RESF1: variants seen among roughly 807,000 people sequenced by gnomAD.
The protein encoded by RESF1 is gonad expressed transcript.
A neutral mutation model predicts 134.7 loss-of-function variants in RESF1; 65 were observed. The observed-to-expected ratio is 0.48, with a 90% CI of 0.40 to 0.59. The LOEUF is 0.59. Ranked by LOEUF, RESF1 falls within the 20% of genes least tolerant of loss-of-function variation. The pLI, the probability that RESF1 is intolerant of heterozygous loss-of-function variation, is 0.00. For synonymous variants in RESF1, 762 were observed against 702.2 expected, an observed-to-expected ratio of 1.09 and a Z score of -1.35; for missense variants, 2,274 against 2,002.7, an observed-to-expected ratio of 1.14 and a Z score of -2.59.
At chr12:31,963,858 G>A (rs183121853) in intron 2 of RESF1, among the ~76,000 whole-genome samples, 5 of 152,264 alleles carry the variant, frequency 3.3e-5, no homozygotes, top group Admixed American at 3.3e-4. Context: ...GTTAACACAT[G>A]TATGTTACTT....
At position 31,980,902 on chromosome 12, in the gene RESF1, T is replaced by C; in HGVS notation, c.-54T>C. ...GATTCCTGACATTCAGACAACTGAC[T>C]TGTAACTGACTTATAACTGACTTGT... On this transcript the variant is annotated 5_prime_UTR_variant, in exon 4 of 6. Coordinates refer to ENST00000312561, the MANE Select transcript of RESF1 (RefSeq NM_018169.4). The C allele has an allele frequency of 7.6e-7, 1 of 1,319,184 alleles. No homozygotes were observed. Among genetic ancestry groups the C allele is most frequent in the Non-Finnish European group, 1.0e-6 (1 of 957,222 alleles). The allele number at this position is 1,319,184 out of a possible 1,614,324, so 81.7% of individuals were successfully genotyped here.
In RESF1 at chr12:31,985,784, A is replaced by G. The variant is rs754685903; in HGVS notation, c.4829A>G (p.Asp1610Gly). Residue 1610 changes from aspartate to glycine, a missense_variant, in exon 4 of 6, where the codon GAT (aspartate) becomes GGT (glycine). Physicochemically the swap from Asp to Gly is moderately conservative, Grantham distance 94 (BLOSUM62 -1). Transcript: ENST00000312561. ...AGTTCACCCAGGAAGCTTCATAAAG[A>G]TAAGAGACAGGAAAATAAACATAAG... is the stretch of plus-strand genomic sequence containing the variant. ...LESSPRKLHKDKRQENKHKTF... is the reference protein window; with the variant it reads ...LESSPRKLHKGKRQENKHKTF... 19 of 1,569,254 alleles carry G rather than the reference A, an allele frequency of 1.2e-5. No homozygotes were observed. The highest frequency in any genetic ancestry group is 1.1e-4 in the East Asian group (5 of 44,382).
At chr12:31,979,707 C>T (rs942587550) in intron 3 of RESF1, among the ~76,000 whole-genome samples, 7 of 151,496 alleles carry the variant, frequency 4.6e-5, no homozygotes, top group East Asian at 3.9e-4. Context: ...ACCACCATGA[C>T]GGGGTAATTT....
chr12:31,987,370 A>T, intron 5 of RESF1, 48 bp downstream of exon 5: 1 of 1,044,708 alleles, frequency 9.6e-7, no homozygotes, highest in African/African-American at 1.6e-5. Context: ...CCTATCTGGT[A>T]TATGGAAATT....
chr12:31,977,810 T>C (rs1366114088), intron 3 of RESF1, among the ~76,000 whole-genome samples: 13 of 145,788 alleles, frequency 8.9e-5, no homozygotes, highest in Admixed American at 3.4e-4. Context: ...TCTTTTTTTT[T>C]TTTTTTTTTT....
At chr12:31,978,865 G>A (rs528885855) in intron 3 of RESF1, among the ~76,000 whole-genome samples, 87 of 151,354 alleles carry the variant, frequency 5.7e-4, no homozygotes, top group African/African-American at 1.7e-3. Context: ...CACTGTGCCC[G>A]GCAGTATTTG....
Position 31,984,177 on chromosome 12 carries a change from T to G in RESF1, c.3222T>G (p.Gly1074=). ...TTGAGGCTGTGAATACACGTGAAGGTTCTGTGGGCCAGCAAACTACATACC... is the reference window on the plus strand; with the variant it reads ...TTGAGGCTGTGAATACACGTGAAGGGTCTGTGGGCCAGCAAACTACATACC... ...YGIEAVNTRE[G]SVGQQTTYQT... Residue 1074 remains glycine (G), a synonymous_variant, in exon 4 of 6, where the codon GGT becomes GGG. Transcript: ENST00000312561. 1 of 1,613,062 alleles carries G rather than the reference T, an allele frequency of 6.2e-7. No homozygotes were observed. Among genetic ancestry groups the G allele is most frequent in the Non-Finnish European group, 8.5e-7 (1 of 1,179,760 alleles).
At position 31,981,236 on chromosome 12, in the gene RESF1, CAT is replaced by C; in HGVS notation, c.284_285del (p.Tyr95CysfsTer4). ...TCACACACTTCAGTAGAAAGAATAA[CAT>C]ATGCAAATGTTAATGGACCCAAACA... On this transcript the variant is annotated frameshift_variant, in exon 4 of 6. Coordinates refer to ENST00000312561, the MANE Select transcript of RESF1 (RefSeq NM_018169.4). LOFTEE classifies it high-confidence loss of function. 6.2e-7 allele frequency: 1 copy of C among 1,614,162 alleles called. No homozygotes were observed. Among genetic ancestry groups the C allele is most frequent in the Non-Finnish European group, 8.5e-7 (1 of 1,180,032 alleles).
At position 31,983,323 on chromosome 12, in the gene RESF1, C is replaced by A. The variant is rs1939858214; in HGVS notation, c.2368C>A (p.Pro790Thr). Residue 790 changes from proline (P) to threonine (T), a missense_variant, in exon 4 of 6, where the codon CCC becomes ACC. Physicochemically the swap from Pro to Thr is conservative, Grantham distance 38. Transcript: ENST00000312561. ...TPAVLPETVY[P>T]VIKEGSVCSL... ...TGCAGTGTTACCTGAAACAGTGTAT[C>A]CCGTTATTAAAGAAGGCAGTGTTTG... The A allele has an allele frequency of 6.2e-7, 1 of 1,613,938 alleles. No homozygotes were observed. Among genetic ancestry groups the A allele is most frequent in the Admixed American group, 1.7e-5 (1 of 60,000 alleles).
chr12:31,984,015 T>G lies in RESF1; in HGVS notation c.3060T>G (p.Ile1020Met), dbSNP rs908199504. 3 of 1,614,000 alleles carry G rather than the reference T, an allele frequency of 1.9e-6. No individual in the cohort carries two copies. Among genetic ancestry groups the G allele is most frequent in the Non-Finnish European group, 1.7e-6 (2 of 1,179,952 alleles). The change falls in exon 4 of 6, where the codon ATT (isoleucine) becomes ATG (methionine). Residue 1020 changes from isoleucine to methionine, a missense_variant. Transcript: ENST00000312561. ...TCSSAAIQEDIYPQEIDASSN... is the reference protein window; with the variant it reads ...TCSSAAIQEDMYPQEIDASSN... ...CGTCAGCTGCTATTCAGGAGGATAT[T>G]TACCCTCAGGAAATAGATGCATCCA...
At chr12:31,963,088 G>T (rs1939316202) in intron 2 of RESF1, among the ~76,000 whole-genome samples, 1 of 152,094 alleles carries the variant, frequency 6.6e-6, no homozygotes. Context: ...TCCATGGGCT[G>T]GTCGCAGTGG....
chr12:31,991,841 C>T (rs1227874298), intron 5 of RESF1, among the ~76,000 whole-genome samples: 1 of 152,184 alleles, frequency 6.6e-6, no homozygotes, highest in South Asian at 2.1e-4. Context: ...AACCACCATA[C>T]CCAGCCTCAA....
intron 2 of RESF1, among the ~76,000 whole-genome samples, chr12:31,964,869 G>A (rs1939363113): frequency 6.6e-6 from 1 of 152,166 alleles, no homozygotes; most frequent in Non-Finnish European, 1.5e-5. Context: ...CCATAAATGT[G>A]AGGGTTTACT....
intron 2 of RESF1, among the ~76,000 whole-genome samples, chr12:31,965,398 C>A (rs1939377036): frequency 6.6e-6 from 1 of 152,174 alleles, no homozygotes; most frequent in South Asian, 2.1e-4. Flanking sequence ...TAACGTGAAT[C>A]CATGGTAAAC....
chr12:31,959,876 C>G lies in RESF1; in HGVS notation c.-342+385C>G, dbSNP rs1489411827. 2.0e-5 allele frequency: 3 copies of G among 152,420 alleles called. No homozygotes were observed. In the East Asian group the frequency reaches 5.8e-4, roughly 29 times the overall value. 9.4% of individuals were successfully genotyped at this position (152,420 alleles called of 1,614,324 possible). On this transcript the variant is annotated intron_variant, in intron 1 of 5. Coordinates refer to ENST00000312561, the MANE Select transcript of RESF1 (RefSeq NM_018169.4). The stretch of plus-strand genomic sequence containing the variant: ...GAAGGCTAGGACGCATTTTGTCGAA[C>G]TGCGAGGCGCGGCTGGTGAGGCGGG...
intron 5 of RESF1, among the ~76,000 whole-genome samples, chr12:31,989,212 C>T (rs1027061865): frequency 1.3e-5 from 2 of 149,668 alleles, no homozygotes; most frequent in Admixed American, 6.7e-5. Context: ...CTGGCTAACA[C>T]GGTGAAACCC....
chr12:31,984,002 T>C lies in RESF1; in HGVS notation c.3047T>C (p.Ile1016Thr). Reference sequence around the variant, plus strand: ...AACGATACGTGCTCGTCAGCTGCTATTCAGGAGGATATTTACCCTCAGGAA... The same window carrying C: ...AACGATACGTGCTCGTCAGCTGCTACTCAGGAGGATATTTACCCTCAGGAA... ...TANDTCSSAA[I>T]QEDIYPQEID... Residue 1016 changes from isoleucine (I) to threonine (T), a missense_variant, in exon 4 of 6, where the codon ATT becomes ACT. By Grantham distance (89) the Ile-to-Thr change is moderately conservative. Coordinates refer to ENST00000312561, the MANE Select transcript of RESF1 (RefSeq NM_018169.4). The C allele has an allele frequency of 6.2e-7, 1 of 1,614,042 alleles. No homozygotes were observed. The highest frequency in any genetic ancestry group is 2.2e-5 in the East Asian group (1 of 44,888).
At chr12:31,970,959 C>CA (rs1840837252) in intron 3 of RESF1, among the ~76,000 whole-genome samples, 1 of 152,196 alleles carries the variant, frequency 6.6e-6, no homozygotes, top group Admixed American at 6.6e-5. Flanking sequence ...GATTGATCCT[C>CA]ACATTTGGCC....
chr12:31,964,973 G>A (rs1939365603), intron 2 of RESF1, among the ~76,000 whole-genome samples: 1 of 151,572 alleles, frequency 6.6e-6, no homozygotes, highest in Admixed American at 6.6e-5. Flanking sequence ...TTGTTTTTTT[G>A]TTTTTTGTTT....
Sources: allele counts gnomAD v4.1 joint callset (sites outside exome capture counted in the v4.1 genomes callset), GRCh38; gene constraint gnomAD v4.1.1; transcripts MANE v1.5; gene names NCBI Gene and HGNC (gene_info 2026-07-23, HGNC 2026-07-21).